The following HS3ST4 variants were observed in gnomAD, a reference collection of about 807,000 sequenced individuals.
The protein encoded by HS3ST4 is heparan sulfate glucosamine 3-O-sulfotransferase 4.
A neutral mutation model predicts 29.2 loss-of-function variants in HS3ST4; 17 were observed. That is an observed-to-expected ratio of 0.58 (90% CI 0.40 to 0.87). The LOEUF is 0.87. Ranked by LOEUF, HS3ST4 falls within the 40% of genes least tolerant of loss-of-function variation. The pLI is 0.00. For missense variants in HS3ST4, 627 were observed against 634.5 expected (o/e 0.99, Z 0.13); for synonymous variants, 314 against 285.7 (o/e 1.10, Z -1.00).
At chr16:25,813,954 A>G (rs1967067213) in intron 1 of HS3ST4, among the ~76,000 whole-genome samples, 1 of 152,264 alleles carries the variant, frequency 6.6e-6, no homozygotes, top group Admixed American at 6.5e-5. Context: ...CTGATGATAC[A>G]GTGGCATAGA....
chr16:25,794,896 T>TACACAC (rs59740575), intron 1 of HS3ST4, among the ~76,000 whole-genome samples: 3,289 of 136,472 alleles, frequency 0.024, 72 homozygotes, highest in African/African-American at 0.06. Context: ...TACTCAAGAA[T>TACACAC]ACACACACAC....
chr16:25,868,777 G>C (rs1967720786), intron 1 of HS3ST4, among the ~76,000 whole-genome samples: 1 of 152,190 alleles, frequency 6.6e-6, no homozygotes, highest in Non-Finnish European at 1.5e-5. Context: ...CTGAATCCCT[G>C]CTGCGTTCCT....
intron 1 of HS3ST4, among the ~76,000 whole-genome samples, chr16:25,974,403 G>A (rs1215754651): frequency 6.6e-6 from 1 of 152,076 alleles, no homozygotes; most frequent in African/African-American, 2.4e-5. Flanking sequence ...ACCATATCCT[G>A]GGAAGACCTC....
intron 1 of HS3ST4, among the ~76,000 whole-genome samples, chr16:26,107,006 C>T (rs775364064): frequency 3.0e-4 from 45 of 151,976 alleles, no homozygotes; most frequent in Admixed American, 2.0e-4. Flanking sequence ...TGTTCTTCCC[C>T]GTCTTCACAA....
At chr16:25,830,428 T>C (rs1277776420) in intron 1 of HS3ST4, among the ~76,000 whole-genome samples, 1 of 152,220 alleles carries the variant, frequency 6.6e-6, no homozygotes, top group East Asian at 1.9e-4. Flanking sequence ...ATCTTCTGCT[T>C]ACAGGTTCTC....
intron 1 of HS3ST4, among the ~76,000 whole-genome samples, chr16:26,080,086 C>T (rs1898707593): frequency 6.6e-6 from 1 of 152,138 alleles, no homozygotes; most frequent in Admixed American, 6.5e-5. Context: ...TGTCTGACAG[C>T]TCAAATACTA....
At chr16:25,749,175 C>G (rs896725752) in intron 1 of HS3ST4, among the ~76,000 whole-genome samples, 2 of 152,122 alleles carry the variant, frequency 1.3e-5, no homozygotes, top group South Asian at 2.1e-4. Context: ...CACCTTTAGA[C>G]GTATTTTTTA....
intron 1 of HS3ST4, among the ~76,000 whole-genome samples, chr16:25,721,213 C>T (rs996741873): frequency 2.0e-5 from 3 of 152,056 alleles, no homozygotes; most frequent in Non-Finnish European, 2.9e-5. Context: ...GGTACATAAA[C>T]ATCCCATGGT....
chr16:25,822,723 T>C (rs1430110659), intron 1 of HS3ST4, among the ~76,000 whole-genome samples: 1 of 151,612 alleles, frequency 6.6e-6, no homozygotes. Flanking sequence ...AGGTGTGTGT[T>C]CCCCCAGGAT....
chr16:26,094,372 G>A (rs6497919), intron 1 of HS3ST4, among the ~76,000 whole-genome samples: 81,879 of 152,030 alleles, frequency 0.54, 22,817 homozygotes, highest in African/African-American at 0.67. Flanking sequence ...GAGAAAGGTC[G>A]AGTTACCCAC....
chr16:25,790,259 A>G (rs1403376713), intron 1 of HS3ST4, among the ~76,000 whole-genome samples: 1 of 152,026 alleles, frequency 6.6e-6, no homozygotes, highest in African/African-American at 2.4e-5. Flanking sequence ...AAAATACAAA[A>G]ATTAGCTGGA....
rs141510890 is a variant in HS3ST4 at position 25,858,915 on chromosome 16, G to A, written c.734+165764G>A. Reference sequence around the variant, plus strand: ...GTGTAATTTCCCAATTCTTTAACTCGAGAATACACCAGAAACCTGCAACTT... The same window carrying A: ...GTGTAATTTCCCAATTCTTTAACTCAAGAATACACCAGAAACCTGCAACTT... On this transcript the variant is annotated intron_variant, in intron 1 of 1. Coordinates refer to ENST00000331351, the MANE Select transcript of HS3ST4 (RefSeq NM_006040.3). Among the ~76,000 whole-genome samples the A allele has an allele frequency of 5.7e-3, 859 of 151,658 alleles. 11 individuals are homozygous for A. The highest frequency in any genetic ancestry group is 0.02 in the African/African-American group (825 of 41,294).
At chr16:25,745,260 A>G (rs1002610670) in intron 1 of HS3ST4, among the ~76,000 whole-genome samples, 1 of 152,084 alleles carries the variant, frequency 6.6e-6, no homozygotes. Flanking sequence ...TTGGCCACAC[A>G]TTTTTGTTGA....
chr16:25,980,774 C>T (rs1189761612), intron 1 of HS3ST4, among the ~76,000 whole-genome samples: 1 of 152,126 alleles, frequency 6.6e-6, no homozygotes, highest in African/African-American at 2.4e-5. Context: ...ACTCACAGAT[C>T]CCTAGACACA....
At chr16:25,815,983 T>C (rs1402675043) in intron 1 of HS3ST4, among the ~76,000 whole-genome samples, 1 of 152,194 alleles carries the variant, frequency 6.6e-6, no homozygotes, top group Non-Finnish European at 1.5e-5. Flanking sequence ...TCAATTTACA[T>C]GTATAACTAA....
At chr16:26,026,187 G>A (rs1010394384) in intron 1 of HS3ST4, among the ~76,000 whole-genome samples, 10 of 152,324 alleles carry the variant, frequency 6.6e-5, no homozygotes, top group African/African-American at 1.7e-4. Flanking sequence ...GATTACAGGC[G>A]TGAGCCACCG....
chr16:26,070,627 A>C (rs966057443), intron 1 of HS3ST4, among the ~76,000 whole-genome samples: 1 of 152,174 alleles, frequency 6.6e-6, no homozygotes, highest in African/African-American at 2.4e-5. Flanking sequence ...GTAATGTAAA[A>C]ATTTCCTGGA....
intron 1 of HS3ST4, among the ~76,000 whole-genome samples, chr16:26,017,652 A>G (rs1307207213): frequency 6.6e-6 from 1 of 152,184 alleles, no homozygotes; most frequent in African/African-American, 2.4e-5. Flanking sequence ...TCAGAAAGGT[A>G]TTTCTTCAAT....
intron 1 of HS3ST4, among the ~76,000 whole-genome samples, chr16:25,848,460 A>ATTT (rs11454037): frequency 1.3e-5 from 2 of 149,444 alleles, no homozygotes; most frequent in Admixed American, 6.7e-5. Flanking sequence ...CGAAAAAATA[A>ATTT]TTTTTTTTTT....
Sources: allele counts gnomAD v4.1 joint callset (sites outside exome capture counted in the v4.1 genomes callset), GRCh38; gene constraint gnomAD v4.1.1; transcripts MANE v1.5; gene names NCBI Gene and HGNC (gene_info 2026-07-23, HGNC 2026-07-21).